FAM204A: variants seen among roughly 807,000 people sequenced by gnomAD.
FAM204A encodes family with sequence similarity 204 member A.
FAM204A carries 16 observed loss-of-function variants against 35.4 expected under a neutral mutation model. The ratio of observed to expected loss-of-function variants is 0.45; its 90% CI spans 0.31 to 0.69. The LOEUF is 0.69. FAM204A is among the 30% of genes least tolerant of loss of function. The pLI is 0.07. For missense variants in FAM204A, 240 were observed against 265.7 expected (o/e 0.90, Z 0.67); for synonymous variants, 76 against 86.9 (o/e 0.88, Z 0.70).
chr10:118,331,893 C>T (rs853816), intron 6 of FAM204A, among the ~76,000 whole-genome samples: 3,241 of 148,224 alleles, frequency 0.022, 99 homozygotes, highest in African/African-American at 0.073. Context: ...TCAATTGAGT[C>T]GGCTGGGTGT....
intron 7 of FAM204A, among the ~76,000 whole-genome samples, chr10:118,313,667 C>T (rs567773784): frequency 6.6e-5 from 10 of 152,238 alleles, no homozygotes; most frequent in African/African-American, 2.2e-4. Context: ...CCATTAACTC[C>T]ATTCCTATCA....
intron 6 of FAM204A, among the ~76,000 whole-genome samples, chr10:118,328,623 G>T (rs1462164610): frequency 2.0e-5 from 3 of 151,768 alleles, no homozygotes; most frequent in Non-Finnish European, 2.9e-5. Context: ...CTCCCAAGTA[G>T]CTGGGACTAC....
intron 6 of FAM204A, 32 bp downstream of exon 6, chr10:118,335,082 G>A (rs1339075171): frequency 2.8e-6 from 4 of 1,449,426 alleles, no homozygotes; most frequent in Non-Finnish European, 3.9e-6. Flanking sequence ...TATCCTACTA[G>A]CTGGTATAAG....
chr10:118,337,448 T>C (rs1846407052), intron 2 of FAM204A, among the ~76,000 whole-genome samples: 1 of 152,216 alleles, frequency 6.6e-6, no homozygotes, highest in Non-Finnish European at 1.5e-5. Context: ...GAAACCACCA[T>C]TCTCTCTGAG....
rs1845846107 is a variant in FAM204A at position 118,304,912 on chromosome 10, A to G, written c.*5945T>C. 6.6e-6 allele frequency: 1 copy of G among 152,194 alleles called. No individual in the cohort carries two copies. The highest frequency in any genetic ancestry group is 1.5e-5 in the Non-Finnish European group (1 of 68,042). The allele number at this position is 152,194 out of a possible 1,614,324, so 9.4% of individuals were successfully genotyped here. On this transcript the variant is annotated 3_prime_UTR_variant, in exon 9 of 9. Coordinates refer to ENST00000369183, the MANE Select transcript of FAM204A (RefSeq NM_022063.3). ...GGCAATGTGGCAGATACTGCAAGCT[A>G]TTTACTAAAATTTCTTTCCTCCCAG... is the stretch of plus-strand genomic sequence containing the variant.
intron 7 of FAM204A, among the ~76,000 whole-genome samples, chr10:118,323,425 C>T (rs569076530): frequency 3.3e-5 from 5 of 152,208 alleles, no homozygotes; most frequent in African/African-American, 1.2e-4. Flanking sequence ...ACATGGAATG[C>T]TTTATCATCA....
rs1845819853 is a variant in FAM204A, at chr10:118,302,596, T to C, written c.*8261A>G. 1 of 152,058 alleles carries C rather than the reference T, an allele frequency of 6.6e-6. No homozygotes were observed. The highest frequency in any genetic ancestry group is 1.5e-5 in the Non-Finnish European group (1 of 68,026). 9.4% of individuals were successfully genotyped at this position (152,058 alleles called of 1,614,324 possible). A position where few individuals can be genotyped will look rare whatever the true frequency, so the allele number is the denominator to read the frequency against. On this transcript the variant is annotated 3_prime_UTR_variant, in exon 9 of 9. Coordinates refer to ENST00000369183, the MANE Select transcript of FAM204A (RefSeq NM_022063.3). ...TTATGTACATGGACTTTGGATTTTC[T>C]TTTTCTCTTTTTGAGCACTGCTGGC...
At chr10:118,314,094 G>A (rs974625818) in intron 7 of FAM204A, among the ~76,000 whole-genome samples, 1 of 152,200 alleles carries the variant, frequency 6.6e-6, no homozygotes, top group African/African-American at 2.4e-5. Flanking sequence ...CCTTAATACA[G>A]TATATGCTTG....
Position 118,310,147 on chromosome 10 carries a change from T to A in FAM204A, c.*710A>T, listed in dbSNP as rs1205930949. ...ACAACTGTCAGTCTTAAAAACACAG[T>A]TCCAGTAAACGTGTAGTTACACTGG... On this transcript the variant is annotated 3_prime_UTR_variant, in exon 9 of 9. Transcript: ENST00000369183. 5.9e-5 allele frequency: 9 copies of A among 151,934 alleles called. No homozygotes were observed. 9.4% of individuals were successfully genotyped at this position (151,934 alleles called of 1,614,324 possible). A position where few individuals can be genotyped will look rare whatever the true frequency, so the allele number is the denominator to read the frequency against.
intron 7 of FAM204A, among the ~76,000 whole-genome samples, chr10:118,320,836 T>C (rs887348158): frequency 6.6e-6 from 1 of 151,816 alleles, no homozygotes; most frequent in Admixed American, 6.6e-5. Flanking sequence ...ATGTTCTTGC[T>C]GTATCACAAC....
At chr10:118,326,397 T>C in intron 6 of FAM204A, 154 bp from the exon 7 acceptor site, 1 of 646,346 alleles carries the variant, frequency 1.5e-6, no homozygotes, top group Non-Finnish European at 2.6e-6. Flanking sequence ...TTCCCATTAG[T>C]ACCAGAAGGC....
intron 2 of FAM204A, among the ~76,000 whole-genome samples, chr10:118,338,313 T>C (rs1846419911): frequency 1.3e-5 from 2 of 152,302 alleles, no homozygotes; most frequent in South Asian, 2.1e-4. Flanking sequence ...TATGCCAATA[T>C]TGAAAAACAG....
intron 6 of FAM204A, among the ~76,000 whole-genome samples, chr10:118,327,764 A>G (rs1473981934): frequency 6.6e-6 from 1 of 152,166 alleles, no homozygotes; most frequent in African/African-American, 2.4e-5. Context: ...AAAGATAAGG[A>G]GCTTGTGCCA....
chr10:118,321,724 C>CAAAAAAAAAA (rs200200755), intron 7 of FAM204A, among the ~76,000 whole-genome samples: 59 of 87,244 alleles, frequency 6.8e-4, no homozygotes, highest in Non-Finnish European at 9.2e-4. Context: ...TATGACAAAG[C>CAAAAAAAAAA]AAAAAAAAAA....
chr10:118,339,243 C>T (rs904541519), intron 2 of FAM204A, among the ~76,000 whole-genome samples: 1 of 152,112 alleles, frequency 6.6e-6, no homozygotes, highest in African/African-American at 2.4e-5. Context: ...ATGGAGTTGC[C>T]CGTGTAAGCA....
At chr10:118,337,352 A>G (rs777931804) in intron 2 of FAM204A, 4 of 475,672 alleles carry the variant, frequency 8.4e-6, no homozygotes, top group Non-Finnish European at 1.1e-5. Flanking sequence ...ATATGAAGGA[A>G]TAAAATGGAA....
chr10:118,337,220 A>G, intron 2 of FAM204A: 1 of 984,090 alleles, frequency 1.0e-6, no homozygotes, highest in Non-Finnish European at 1.2e-6. Flanking sequence ...ATACTCAAGT[A>G]CATACTCACT....
chr10:118,313,558 T>G (rs1000428657), intron 7 of FAM204A, among the ~76,000 whole-genome samples: 2 of 152,186 alleles, frequency 1.3e-5, no homozygotes, highest in African/African-American at 4.8e-5. Flanking sequence ...GCTACTTGTG[T>G]TTAAGATGCA....
intron 7 of FAM204A, among the ~76,000 whole-genome samples, chr10:118,316,536 T>C (rs1462975908): frequency 6.6e-6 from 1 of 152,182 alleles, no homozygotes; most frequent in Non-Finnish European, 1.5e-5. Flanking sequence ...AAAATGTGCA[T>C]GCACAGGTTT....
Sources: allele counts gnomAD v4.1 joint callset (sites outside exome capture counted in the v4.1 genomes callset), GRCh38; gene constraint gnomAD v4.1.1; transcripts MANE v1.5; gene names NCBI Gene and HGNC (gene_info 2026-07-23, HGNC 2026-07-21).